The following RGS8 variants were observed in gnomAD, a reference collection of about 807,000 sequenced individuals.
RGS8 encodes regulator of G-protein signaling 8.
A neutral mutation model predicts 21.7 loss-of-function variants in RGS8; 8 were observed. That is an observed-to-expected ratio of 0.37 (90% CI 0.22 to 0.66). RGS8 has a LOEUF of 0.66. Ranked by LOEUF, RGS8 falls within the 30% of genes least tolerant of loss-of-function variation. The pLI, the probability that RGS8 is intolerant of heterozygous loss-of-function variation, is 0.59. For synonymous variants in RGS8, 80 were observed against 83.6 expected (o/e 0.96, Z 0.24); for missense variants, 157 against 217.9 (o/e 0.72, Z 1.76).
chr1:182,697,995 TAGAG>T, the RGS8 span, among the ~76,000 whole-genome samples: 2 of 152,176 alleles, frequency 1.3e-5, no homozygotes, highest in South Asian at 4.1e-4. Context: ...TTCAGGGACT[TAGAG>T]GGAATACTAG....
intron 5 of RGS8, among the ~76,000 whole-genome samples, chr1:182,651,369 A>T (rs1478400896): frequency 6.6e-6 from 1 of 152,240 alleles, no homozygotes; most frequent in Non-Finnish European, 1.5e-5. Context: ...TGCTCAGAAC[A>T]CTTTTGGTAC....
chr1:182,724,246 A>ATATATATATATC, the RGS8 span, among the ~76,000 whole-genome samples: 45 of 107,120 alleles, frequency 4.2e-4, no homozygotes, highest in African/African-American at 6.2e-4. Flanking sequence ...ATATATATAT[A>ATATATATATATC]TCCTATTATT....
chr1:182,704,609 A>G, the RGS8 span, among the ~76,000 whole-genome samples: 1 of 152,090 alleles, frequency 6.6e-6, no homozygotes, highest in East Asian at 1.9e-4. Flanking sequence ...TCCCTCTAAA[A>G]CTGGTCCCTT....
At chr1:182,677,748 C>T (rs936879208), upstream of RGS8, among the ~76,000 whole-genome samples, 5 of 152,200 alleles carry the variant, frequency 3.3e-5, no homozygotes, top group African/African-American at 1.2e-4. Context: ...CTACTTTATA[C>T]TCCCCCTTCT....
intron 1 of RGS8, among the ~76,000 whole-genome samples, chr1:182,678,669 C>A (rs141978503): frequency 2.6e-5 from 4 of 152,330 alleles, no homozygotes; most frequent in African/African-American, 9.6e-5. Context: ...TATGTTAACA[C>A]TGGACAAGGA....
chr1:182,670,080 C>T (rs1324412081), intron 2 of RGS8, among the ~76,000 whole-genome samples: 2 of 152,160 alleles, frequency 1.3e-5, no homozygotes, highest in Non-Finnish European at 2.9e-5. Context: ...AAGTGGGGCC[C>T]AAGTGACCAG....
At chr1:182,721,722 C>T in the RGS8 span, among the ~76,000 whole-genome samples, 2 of 152,156 alleles carry the variant, frequency 1.3e-5, no homozygotes, top group Non-Finnish European at 2.9e-5. Flanking sequence ...ACTGTGCTGA[C>T]TCGTTCAGCT....
At chr1:182,643,594 G>C (rs1331703268), downstream of RGS8, 2 of 152,148 alleles carry the variant, frequency 1.3e-5, no homozygotes, top group Non-Finnish European at 2.9e-5. Flanking sequence ...TATTAAAAAT[G>C]TGGATTTCTG....
exon 3 of RGS8, chr1:182,669,683 G>C (rs1664056953): frequency 6.2e-7 from 1 of 1,613,978 alleles, no homozygotes. Context: ...CCTTGGGCTG[G>C]TATGCAGGGA....
At chr1:182,680,723 T>C (rs1664509946) in intron 1 of RGS8, among the ~76,000 whole-genome samples, 1 of 152,194 alleles carries the variant, frequency 6.6e-6, no homozygotes, top group Non-Finnish European at 1.5e-5. Context: ...GTACATTGCC[T>C]AGGTAAAAAA....
At chr1:182,665,970 C>T (rs765952969) in exon 5 of RGS8, 7 of 1,612,736 alleles carry the variant, frequency 4.3e-6, no homozygotes, top group Non-Finnish European at 3.4e-6. Context: ...TCTACTTACA[C>T]TTATGAGAGA....
chr1:182,715,656 C>T, the RGS8 span, among the ~76,000 whole-genome samples: 943 of 152,230 alleles, frequency 6.2e-3, 10 homozygotes, highest in African/African-American at 0.021. Context: ...TGATGCTGCT[C>T]GTCTTGAGAC....
chr1:182,736,824 C>T, the RGS8 span, among the ~76,000 whole-genome samples: 1 of 152,216 alleles, frequency 6.6e-6, no homozygotes, highest in Non-Finnish European at 1.5e-5. Context: ...GCTCTTCTTG[C>T]TTGCTCACTT....
the RGS8 span, among the ~76,000 whole-genome samples, chr1:182,708,978 A>G: frequency 6.6e-6 from 1 of 152,214 alleles, no homozygotes; most frequent in Non-Finnish European, 1.5e-5. Context: ...AAGTCCTTCC[A>G]TCTAGGAACA....
chr1:182,663,754 C>T (rs143658270), intron 5 of RGS8, among the ~76,000 whole-genome samples: 1 of 152,306 alleles, frequency 6.6e-6, no homozygotes, highest in African/African-American at 2.4e-5. Context: ...GCCCTGAACT[C>T]CTAAGCTCAA....
chr1:182,676,260 TGGA>T (rs1292617401), upstream of RGS8, among the ~76,000 whole-genome samples: 2 of 151,950 alleles, frequency 1.3e-5, no homozygotes, highest in Non-Finnish European at 2.9e-5. Context: ...GCCACGAGAG[TGGA>T]GGAGGTTTAT....
the RGS8 span, among the ~76,000 whole-genome samples, chr1:182,702,695 A>G: frequency 6.6e-6 from 1 of 152,236 alleles, no homozygotes; most frequent in Non-Finnish European, 1.5e-5. Flanking sequence ...TGTATCCATG[A>G]CTTCCTAAAG....
chr1:182,729,588 T>G, the RGS8 span, among the ~76,000 whole-genome samples: 1 of 152,206 alleles, frequency 6.6e-6, no homozygotes, highest in African/African-American at 2.4e-5. Flanking sequence ...TATAGGGTCC[T>G]TCCTTGCTAC....
chr1:182,675,578 T>C (rs1428683025), upstream of RGS8, among the ~76,000 whole-genome samples: 1 of 152,196 alleles, frequency 6.6e-6, no homozygotes, highest in African/African-American at 2.4e-5. Context: ...CCCGTTTGCC[T>C]ATCCAGGTTT....
Sources: gnomAD v4.1 joint callset for allele counts (sites outside exome capture counted in the v4.1 genomes callset) on GRCh38, gnomAD v4.1.1 for gene constraint, MANE v1.5 for transcripts, NCBI Gene and HGNC (gene_info 2026-07-23, HGNC 2026-07-21) for gene names.